Variants in MBNL1 observed in about 807,000 individuals in gnomAD.
The protein encoded by MBNL1 is muscleblind-like protein 1.
MBNL1 carries 8 observed loss-of-function variants against 42.2 expected under a neutral mutation model. The observed-to-expected ratio is 0.19, with a 90% CI of 0.11 to 0.34. The LOEUF (loss-of-function observed/expected upper bound fraction) is 0.34. Among genes scored for constraint, MBNL1 ranks in the 10% least tolerant of loss-of-function variants. MBNL1 has a pLI of 1.00. For missense variants in MBNL1, 309 were observed against 495.3 expected, an observed-to-expected ratio of 0.62 and a Z score of 3.57; for synonymous variants, 169 against 173.9, an observed-to-expected ratio of 0.97 and a Z score of 0.22.
chr3:152,354,773 A>G (rs1057035460), intron 2 of MBNL1, among the ~76,000 whole-genome samples: 1 of 152,154 alleles, frequency 6.6e-6, no homozygotes, highest in Non-Finnish European at 1.5e-5. Context: ...ATTTTCAGAG[A>G]TAAATACTTG....
chr3:152,338,380 C>A (rs539542956), intron 2 of MBNL1: 1 of 985,272 alleles, frequency 1.0e-6, no homozygotes, highest in East Asian at 1.1e-4. Flanking sequence ...GCCTCTAAAC[C>A]CTTGTGAAAG....
rs780540929 is a variant in MBNL1 at position 152,459,289 on chromosome 3, G to A, written c.1111G>A (p.Glu371Lys). ...TTGCTAGATACCCATAATATCTGCC[G>A]AACATCTGACTAGCCACAAGTATGT... ...TANQIPIISA[E>K]HLTSHKYVTQ... Residue 371 changes from glutamate to lysine, a missense_variant, in exon 9 of 10, where the codon GAA becomes AAA. Glu to Lys is a moderately conservative substitution (Grantham distance 56). Transcript: ENST00000324210. 2 of 1,582,124 alleles carry A rather than the reference G, an allele frequency of 1.3e-6. No homozygotes were observed. The highest frequency in any genetic ancestry group is 1.7e-6 in the Non-Finnish European group (2 of 1,163,892).
intron 2 of MBNL1, among the ~76,000 whole-genome samples, chr3:152,326,135 A>C (rs1406320362): frequency 2.6e-5 from 4 of 152,186 alleles, no homozygotes; most frequent in Non-Finnish European, 5.9e-5. Context: ...ATTTTATTGT[A>C]TCATTTGATA....
chr3:152,276,270 G>A (rs1300405865), intron 1 of MBNL1, among the ~76,000 whole-genome samples: 1 of 152,126 alleles, frequency 6.6e-6, no homozygotes, highest in Non-Finnish European at 1.5e-5. Context: ...AATACTTTCT[G>A]TGTGCTAAGC....
chr3:152,300,312 C>G lies in MBNL1; in HGVS notation c.119C>G (p.Ser40Trp). 5 of 1,613,974 alleles carry G rather than the reference C, an allele frequency of 3.1e-6. No homozygotes were observed. The highest frequency in any genetic ancestry group is 4.2e-6 in the Non-Finnish European group (5 of 1,179,916). The stretch of plus-strand genomic sequence containing the variant: ...ACGGAATGTAAATTTGCACATCCTT[C>G]GAAAAGCTGCCAAGTTGAAAATGGA... ...PDTECKFAHP[S>W]KSCQVENGRV... The change falls in exon 2 of 10, where the codon TCG (serine) becomes TGG (tryptophan). Residue 40 changes from serine to tryptophan, a missense_variant. Coordinates refer to ENST00000324210, the MANE Select transcript of MBNL1 (RefSeq NM_021038.5).
chr3:152,278,007 T>C (rs1415579957), intron 1 of MBNL1, among the ~76,000 whole-genome samples: 1 of 152,120 alleles, frequency 6.6e-6, no homozygotes, highest in Admixed American at 6.5e-5. Context: ...CATGCCTTTT[T>C]CTATTATTAG....
At chr3:152,358,812 G>A (rs1331764018) in intron 2 of MBNL1, among the ~76,000 whole-genome samples, 2 of 151,984 alleles carry the variant, frequency 1.3e-5, no homozygotes, top group Non-Finnish European at 2.9e-5. Flanking sequence ...GTCTCACTAT[G>A]TTGCCCAGGC....
intron 2 of MBNL1, among the ~76,000 whole-genome samples, chr3:152,354,964 A>G (rs1041408844): frequency 1.8e-4 from 27 of 152,144 alleles, no homozygotes; most frequent in African/African-American, 6.5e-4. Flanking sequence ...TTCTCAGTGT[A>G]TTGTAATTAT....
chr3:152,401,986 C>T (rs1014655506), intron 2 of MBNL1, among the ~76,000 whole-genome samples: 52 of 149,440 alleles, frequency 3.5e-4, no homozygotes, highest in African/African-American at 1.2e-3. Flanking sequence ...GAGCCGAGAT[C>T]GCGCCACTGC....
chr3:152,273,330 A>T (rs553211138), intron 1 of MBNL1, among the ~76,000 whole-genome samples: 1 of 152,316 alleles, frequency 6.6e-6, no homozygotes, highest in Non-Finnish European at 1.5e-5. Context: ...TATAAAAAAT[A>T]AACGTTTATA....
intron 3 of MBNL1, among the ~76,000 whole-genome samples, chr3:152,416,822 T>C (rs983206462): frequency 4.6e-5 from 7 of 152,244 alleles, no homozygotes; most frequent in Non-Finnish European, 1.0e-4. Flanking sequence ...GTAACAAATA[T>C]ATTGTTCGTG....
At chr3:152,309,735 A>G (rs2065289893) in intron 2 of MBNL1, among the ~76,000 whole-genome samples, 1 of 152,198 alleles carries the variant, frequency 6.6e-6, no homozygotes, top group African/African-American at 2.4e-5. Context: ...TTTCCATATT[A>G]CTGCATTCAG....
At position 152,462,886 on chromosome 3, in the gene MBNL1, G is replaced by C. The variant is rs1748159731; in HGVS notation, c.*520G>C. On this transcript the variant is annotated 3_prime_UTR_variant, in exon 10 of 10. Transcript: ENST00000324210. ...TGCATGCACAGTCATTTTTGTTTAAGAGTAATATTTTTAATGTAATAGATT... is the reference window on the plus strand; with the variant it reads ...TGCATGCACAGTCATTTTTGTTTAACAGTAATATTTTTAATGTAATAGATT... 1 of 152,506 alleles carries C rather than the reference G, an allele frequency of 6.6e-6. No individual in the cohort carries two copies. Among genetic ancestry groups the C allele is most frequent in the African/African-American group, 2.4e-5 (1 of 41,434 alleles). The allele number at this position is 152,506 out of a possible 1,614,324, so 9.4% of individuals were successfully genotyped here.
chr3:152,343,347 C>T (rs180998622), intron 2 of MBNL1, among the ~76,000 whole-genome samples: 4 of 152,252 alleles, frequency 2.6e-5, no homozygotes, highest in Admixed American at 2.6e-4. Context: ...GAGTTGAATG[C>T]CAGAGTTTAA....
rs560245855 is a variant in MBNL1 at position 152,424,563 on chromosome 3, GA to G, written c.346-8141del. Among the ~76,000 whole-genome samples, 99 of 134,212 alleles carry G rather than the reference GA, an allele frequency of 7.4e-4. 1 individual carries two copies. Among genetic ancestry groups the G allele is most frequent in the East Asian group, 2.3e-3 (10 of 4,366 alleles). The allele number at this position is 134,212 out of a possible 152,430, so 88.0% of individuals were successfully genotyped here. A position where few individuals can be genotyped will look rare whatever the true frequency, so the allele number is the denominator to read the frequency against. ...ACCATTGACTTTCTTCACAGAATTA[GA>G]AAAAAAAAAAAACTACTTTAAATTT... On this transcript the variant is annotated intron_variant, in intron 3 of 9. Coordinates refer to ENST00000324210, the MANE Select transcript of MBNL1 (RefSeq NM_021038.5).
At chr3:152,374,590 G>A (rs1345479403) in intron 2 of MBNL1, among the ~76,000 whole-genome samples, 1 of 152,178 alleles carries the variant, frequency 6.6e-6, no homozygotes, top group Non-Finnish European at 1.5e-5. Flanking sequence ...CTCAAAGTAA[G>A]CTGACTGAAA....
At chr3:152,324,873 A>G (rs1465228948) in intron 2 of MBNL1, among the ~76,000 whole-genome samples, 2 of 152,096 alleles carry the variant, frequency 1.3e-5, no homozygotes, top group South Asian at 2.1e-4. Context: ...CAGTGAATAC[A>G]TAATGACCTG....
intron 3 of MBNL1, among the ~76,000 whole-genome samples, chr3:152,418,501 C>G (rs907589991): frequency 6.6e-6 from 1 of 151,208 alleles, no homozygotes; most frequent in African/African-American, 2.4e-5. Context: ...AGCAAGACAC[C>G]AACTTAGGAA....
Position 152,268,929 on chromosome 3 carries a change from A to T in MBNL1, c.-953A>T. 1 of 456,218 alleles carries T rather than the reference A, an allele frequency of 2.2e-6. No homozygotes were observed. The highest frequency in any genetic ancestry group is 1.5e-5 in the South Asian group (1 of 64,566). 28.3% of individuals were successfully genotyped at this position (456,218 alleles called of 1,614,324 possible). ...AAGAGGCTGCACAGCGACATGCAAC[A>T]GTCTTTTCACTGCAGCTGAATGAGT... On this transcript the variant is annotated 5_prime_UTR_variant, in exon 1 of 10. Coordinates refer to ENST00000324210, the MANE Select transcript of MBNL1 (RefSeq NM_021038.5).
Sources: gnomAD v4.1 joint callset for allele counts (sites outside exome capture counted in the v4.1 genomes callset) on GRCh38, gnomAD v4.1.1 for gene constraint, MANE v1.5 for transcripts, NCBI Gene and HGNC (gene_info 2026-07-23, HGNC 2026-07-21) for gene names.